Variants in CLPTM1L observed in about 807,000 individuals in gnomAD.
CLPTM1L encodes lipid scramblase CLPTM1L.
Under a neutral mutation model 70.9 loss-of-function variants are expected in CLPTM1L, and 38 were observed. The ratio of observed to expected loss-of-function variants is 0.54; its 90% CI spans 0.41 to 0.70. The LOEUF is 0.70. Ranked by LOEUF, CLPTM1L falls within the 30% of genes least tolerant of loss-of-function variation. The probability of loss-of-function intolerance (pLI) is 0.00; values close to 1 mark genes in which losing one functional copy is unlikely to be tolerated. For synonymous variants in CLPTM1L, 339 were observed against 299.9 expected (o/e 1.13, Z -1.35); for missense variants, 652 against 705.9 (o/e 0.92, Z 0.87).
intron 9 of CLPTM1L, among the ~76,000 whole-genome samples, chr5:1,329,568 C>A (rs59274548): frequency 1.6e-4 from 22 of 133,616 alleles, no homozygotes; most frequent in African/African-American, 1.2e-4. Context: ...CCTCAGGACT[C>A]TCTGCTTGGT....
Position 1,321,798 on chromosome 5 carries a change from A to G in CLPTM1L, c.1337T>C (p.Leu446Pro). Residue 446 changes from leucine (L) to proline (P), a missense_variant, in exon 14 of 17, where the codon CTC becomes CCC. By Grantham distance (98) the Leu-to-Pro change is moderately conservative. Coordinates refer to ENST00000320895, the MANE Select transcript of CLPTM1L (RefSeq NM_030782.5). ...CACAAAGAGCTGGGGCAGCATGAAG[A>G]GGAAACCAAAGGCATAGACCCCTGC... ...FVNGVYAFGF[L>P]FMLPQLFVNY... 6.2e-7 allele frequency: 1 copy of G among 1,614,132 alleles called. No homozygotes were observed. The highest frequency in any genetic ancestry group is 8.5e-7 in the Non-Finnish European group (1 of 1,180,014).
chr5:1,320,869 A>C (rs1400509589), intron 15 of CLPTM1L, 138 bp from the exon 16 acceptor site: 4 of 558,012 alleles, frequency 7.2e-6, no homozygotes, highest in Non-Finnish European at 1.3e-5. Flanking sequence ...CAACAAAAAG[A>C]GCAGAAAGCC....
At chr5:1,320,896 G>A (rs914228012) in intron 15 of CLPTM1L, among the ~76,000 whole-genome samples, 165 bp from the exon 16 acceptor site, 2 of 152,240 alleles carry the variant, frequency 1.3e-5, no homozygotes, top group Admixed American at 1.3e-4. Context: ...TGGAGATACG[G>A]AGCTCTGTTC....
intron 6 of CLPTM1L, 98 bp downstream of exon 6, chr5:1,334,959 G>C: frequency 2.6e-6 from 2 of 783,056 alleles, no homozygotes; most frequent in Admixed American, 2.1e-5. Context: ...TCTGCAGCAG[G>C]AGGCGAGGAG....
rs762709248 is a variant in CLPTM1L at position 1,321,825 on chromosome 5, GAA to G, written c.1316-8_1316-7del. On this transcript the variant is annotated splice_region_variant and splice_polypyrimidine_tract_variant and intron_variant, in intron 13 of 16. Coordinates refer to ENST00000320895, the MANE Select transcript of CLPTM1L (RefSeq NM_030782.5). ...GAAACCAAAGGCATAGACCCCTGCA[GAA>G]AGACAGACAGCACTCACGAGGTGCG... 31 of 1,613,184 alleles carry G rather than the reference GAA, an allele frequency of 1.9e-5. No individual in the cohort carries two copies. The highest frequency in any genetic ancestry group is 2.6e-5 in the Non-Finnish European group (31 of 1,179,596).
chr5:1,327,719 C>T lies in CLPTM1L; in HGVS notation c.1081-1903G>A, dbSNP rs560946548. ...TCATCCTGCTCCTCCTCTACAGGGA[C>T]ATTTCATCCAGCTCCTCCTCTACAG... On this transcript the variant is annotated intron_variant, in intron 9 of 16. Coordinates refer to ENST00000320895, the MANE Select transcript of CLPTM1L (RefSeq NM_030782.5). 1.5e-3 allele frequency among the ~76,000 whole-genome samples: 226 copies of T among 149,956 alleles called. 2 individuals are homozygous for T. The highest frequency in any genetic ancestry group is 5.5e-3 in the African/African-American group (222 of 40,258).
chr5:1,329,029 C>G (rs188483675), intron 9 of CLPTM1L, among the ~76,000 whole-genome samples: 1 of 149,000 alleles, frequency 6.7e-6, no homozygotes, highest in East Asian at 1.9e-4. Context: ...ACAGGCATGA[C>G]GGCCGCAGAG....
Position 1,338,964 on chromosome 5 carries a change from C to T in CLPTM1L, c.495G>A (p.Glu165=), listed in dbSNP as rs776717217. 6.2e-7 allele frequency: 1 copy of T among 1,613,298 alleles called. No homozygotes were observed. Among genetic ancestry groups the T allele is most frequent in the Non-Finnish European group, 8.5e-7 (1 of 1,180,050 alleles). Reference sequence around the variant, plus strand: ...GCCGCGGTCGCCAGTGGGACACTGGCTCATCCAGGGCACTCGTCGGCTTCT... The same window carrying T: ...GCCGCGGTCGCCAGTGGGACACTGGTTCATCCAGGGCACTCGTCGGCTTCT... The part of the protein sequence containing the change: ...AEKKPTSALD[E]PVSHWRPRLA... The change falls in exon 4 of 17, where the codon GAG becomes GAA. Residue 165 remains glutamate, a synonymous_variant. Coordinates refer to ENST00000320895, the MANE Select transcript of CLPTM1L (RefSeq NM_030782.5).
At chr5:1,339,402 C>G (rs1412177467) in intron 3 of CLPTM1L, among the ~76,000 whole-genome samples, 1 of 140,738 alleles carries the variant, frequency 7.1e-6, no homozygotes, top group Non-Finnish European at 1.5e-5. Context: ...GCACCCTAAC[C>G]TGTGAAGAGA....
intron 7 of CLPTM1L, 83 bp from the exon 8 acceptor site, chr5:1,331,966 A>G: frequency 9.0e-7 from 1 of 1,111,268 alleles, no homozygotes; most frequent in Non-Finnish European, 1.4e-6. Context: ...TTCGTGTGTG[A>G]CCGTGAGACT....
In CLPTM1L at chr5:1,334,342, CA is replaced by C. The variant is rs777479912; in HGVS notation, c.837del (p.Phe279LeufsTer2). 1.2e-6 allele frequency: 2 copies of C among 1,613,556 alleles called. No homozygotes were observed. On this transcript the variant is annotated frameshift_variant, in exon 7 of 17. Transcript: ENST00000320895. LOFTEE classifies it high-confidence loss of function. ...GCCAGGAAGTATAAGTTGGTATCTA[CA>C]AAAATTCCTTTCACCTCATCAGCAT... ...EKDADEVKGI[F>X]VDTNLYFLAL...
chr5:1,337,895 G>C lies in CLPTM1L; in HGVS notation c.678+9C>G. The stretch of plus-strand genomic sequence containing the variant: ...AGCTGCACAACCAGCGGGCAGAGGT[G>C]TCACTCACCATCAGGTCCTTCACGC... On this transcript the variant is annotated intron_variant, in intron 5 of 16. Coordinates refer to ENST00000320895, the MANE Select transcript of CLPTM1L (RefSeq NM_030782.5). The C allele has an allele frequency of 6.3e-7, 1 of 1,585,984 alleles. No individual in the cohort carries two copies. Among genetic ancestry groups the C allele is most frequent in the Non-Finnish European group, 8.6e-7 (1 of 1,167,992 alleles).
intron 7 of CLPTM1L, among the ~76,000 whole-genome samples, chr5:1,333,703 G>T: frequency 1.5e-5 from 2 of 135,974 alleles, no homozygotes; most frequent in Non-Finnish European, 3.2e-5. Flanking sequence ...ACCGCAAGAG[G>T]ATAAGGGGGG....
In CLPTM1L at chr5:1,323,845, G is replaced by C; in HGVS notation, c.1222C>G (p.Leu408Val). 1 of 1,613,768 alleles carries C rather than the reference G, an allele frequency of 6.2e-7. No homozygotes were observed. The highest frequency in any genetic ancestry group is 8.5e-7 in the Non-Finnish European group (1 of 1,179,894). ...GCACCCCCGACACAGAGAGGGTACA[G>C]CAGGTATGACAAGTACTTCATGGCC... ...TQAMKYLSYL[L>V]YPLCVGGAVY... is the part of the protein sequence containing the mutation. Residue 408 changes from leucine to valine, a missense_variant, in exon 12 of 17, where the codon CTG (leucine) becomes GTG (valine). Transcript: ENST00000320895.
chr5:1,335,188 C>T lies in CLPTM1L; in HGVS notation c.679-14G>A. The stretch of plus-strand genomic sequence containing the variant: ...GCGGTTTATGACCTGATGAAGAAAG[C>T]CACACTGAGGGCCCTGCCCTCATAC... On this transcript the variant is annotated splice_polypyrimidine_tract_variant and intron_variant, in intron 5 of 16. Transcript: ENST00000320895. 6.2e-7 allele frequency: 1 copy of T among 1,604,322 alleles called. No homozygotes were observed. The highest frequency in any genetic ancestry group is 1.1e-5 in the South Asian group (1 of 90,854).
chr5:1,333,065 AG>A (rs1225194006), intron 7 of CLPTM1L, among the ~76,000 whole-genome samples: 2 of 102,296 alleles, frequency 2.0e-5, no homozygotes, highest in Admixed American at 1.1e-4. Context: ...GATGAGGATA[AG>A]GGGGGACTAC....
Position 1,339,003 on chromosome 5 carries a change from C to T in CLPTM1L, c.456G>A (p.Gln152=), listed in dbSNP as rs551076806. The T allele has an allele frequency of 1.1e-5, 18 of 1,612,836 alleles. No individual in the cohort carries two copies. The East Asian group carries it at 4.0e-4, about 36-fold the overall frequency. Residue 152 remains glutamine, a splice_region_variant and synonymous_variant, in exon 4 of 17, where the codon CAG becomes CAA. Coordinates refer to ENST00000320895, the MANE Select transcript of CLPTM1L (RefSeq NM_030782.5). ...TCGTCGGCTTCTTCTCCGCCTCGATCTGCTGTTAAGTGAGGAAAACAGAGG... is the reference window on the plus strand; with the variant it reads ...TCGTCGGCTTCTTCTCCGCCTCGATTTGCTGTTAAGTGAGGAAAACAGAGG... ...NLLTGESDTQ[Q]IEAEKKPTSA...
intron 9 of CLPTM1L, among the ~76,000 whole-genome samples, chr5:1,326,901 C>CAG (rs1752614915): frequency 2.0e-5 from 3 of 150,306 alleles, no homozygotes; most frequent in Admixed American, 1.3e-4. Flanking sequence ...TCCTCCTCTA[C>CAG]GGACACATTT....
intron 3 of CLPTM1L, among the ~76,000 whole-genome samples, chr5:1,340,726 C>CT (rs1474750736): frequency 6.6e-6 from 1 of 152,210 alleles, no homozygotes; most frequent in Non-Finnish European, 1.5e-5. Context: ...AGAGACCTCT[C>CT]TTTCTCTCTG....
Sources: allele counts gnomAD v4.1 joint callset (sites outside exome capture counted in the v4.1 genomes callset), GRCh38; gene constraint gnomAD v4.1.1; transcripts MANE v1.5; gene names NCBI Gene and HGNC (gene_info 2026-07-23, HGNC 2026-07-21).